SYT2: variants seen among roughly 807,000 people sequenced by gnomAD.
SYT2 encodes synaptotagmin 2.
In SYT2, 15 loss-of-function variants were observed where a neutral mutation model predicts 39.9. The ratio of observed to expected loss-of-function variants is 0.38; its 90% CI spans 0.25 to 0.58. The LOEUF (loss-of-function observed/expected upper bound fraction) is 0.58, where lower values mean the gene tolerates loss of function less well. Among genes scored for constraint, SYT2 ranks in the 20% least tolerant of loss-of-function variants. The pLI, the probability that SYT2 is intolerant of heterozygous loss-of-function variation, is 0.70. For synonymous variants in SYT2, 181 were observed against 204.5 expected (o/e 0.89, Z 0.98); for missense variants, 389 against 530.3 (o/e 0.73, Z 2.62).
intron 1 of SYT2, among the ~76,000 whole-genome samples, chr1:202,618,715 C>T (rs564470738): frequency 6.6e-6 from 1 of 152,260 alleles, no homozygotes; most frequent in Non-Finnish European, 1.5e-5. Context: ...CACATCTGCT[C>T]AGCATGTAGA....
chr1:202,593,845 C>T lies in SYT2; in HGVS notation c.*2912G>A, dbSNP rs751975611. 1 of 152,260 alleles carries T rather than the reference C, an allele frequency of 6.6e-6. No homozygotes were observed. Among genetic ancestry groups the T allele is most frequent in the Non-Finnish European group, 1.5e-5 (1 of 68,118 alleles). 9.4% of individuals were successfully genotyped at this position (152,260 alleles called of 1,614,324 possible). ...ACTACTTTCCTTTCTCTGGAACAGACTTTGAGATGAAAACTCACAGCCCCA... is the reference window on the plus strand; with the variant it reads ...ACTACTTTCCTTTCTCTGGAACAGATTTTGAGATGAAAACTCACAGCCCCA... On this transcript the variant is annotated 3_prime_UTR_variant, in exon 9 of 9. Coordinates refer to ENST00000367268, the MANE Select transcript of SYT2 (RefSeq NM_177402.5).
chr1:202,630,217 C>CT (rs1691542534), intron 1 of SYT2: 1 of 200,424 alleles, frequency 5.0e-6, no homozygotes, highest in South Asian at 1.8e-4. Context: ...TTTGCTGAAT[C>CT]TAAGTTATAA....
In SYT2 at chr1:202,614,738, A is replaced by T. The variant is rs1690985436; in HGVS notation, c.-17-8949T>A. ...GAGGAGATGAAAGGGCAGCCTAGGC[A>T]GAGAGCACAGCCTATGCAAAGGCCC... is the stretch of plus-strand genomic sequence containing the variant. On this transcript the variant is annotated intron_variant, in intron 1 of 8. Transcript: ENST00000367268. The surrounding 1 kb of genome is among the most constrained non-coding windows in gnomAD (Gnocchi z 4.0). Among the ~76,000 whole-genome samples, 2 of 152,240 alleles carry T rather than the reference A, an allele frequency of 1.3e-5. No homozygotes were observed. The highest frequency in any genetic ancestry group is 2.9e-5 in the Non-Finnish European group (2 of 68,038).
intron 1 of SYT2, among the ~76,000 whole-genome samples, chr1:202,624,115 AGTGC>A (rs1469756763): frequency 6.6e-6 from 1 of 151,976 alleles, no homozygotes; most frequent in Non-Finnish European, 1.5e-5. Context: ...TTTTAATAGG[AGTGC>A]GTGAGTGTGG....
chr1:202,669,189 G>A (rs1007560345), intron 1 of SYT2, among the ~76,000 whole-genome samples: 3 of 152,146 alleles, frequency 2.0e-5, no homozygotes, highest in Non-Finnish European at 1.5e-5. Flanking sequence ...GCATTAAATT[G>A]TGCACTAAAA....
At chr1:202,616,199 C>T (rs989735026) in intron 1 of SYT2, among the ~76,000 whole-genome samples, 11 of 152,294 alleles carry the variant, frequency 7.2e-5, no homozygotes, top group Admixed American at 1.3e-4. Flanking sequence ...AAAGCAGAAG[C>T]GAGAAATCTC....
intron 1 of SYT2, among the ~76,000 whole-genome samples, chr1:202,659,867 G>A (rs748228831): frequency 2.8e-4 from 43 of 152,206 alleles, no homozygotes; most frequent in Admixed American, 5.9e-4. Flanking sequence ...TTGGGGGTGA[G>A]GGGTGGGGAG....
At chr1:202,694,283 C>T (rs2149118662) in intron 1 of SYT2, among the ~76,000 whole-genome samples, 1 of 152,324 alleles carries the variant, frequency 6.6e-6, no homozygotes, top group South Asian at 2.1e-4. Context: ...TATCCTGAGC[C>T]CCAGACTGGC....
rs1206561246 is a variant in SYT2, at chr1:202,595,942, C to A, written c.*815G>T. On this transcript the variant is annotated 3_prime_UTR_variant, in exon 9 of 9. Transcript: ENST00000367268. ...ATCCATGAATGTCCCAGGAACTACA[C>A]TTCTGGGGAAACCATGACTGGCAGG... 1 of 152,206 alleles carries A rather than the reference C, an allele frequency of 6.6e-6. No individual in the cohort carries two copies. Among genetic ancestry groups the A allele is most frequent in the Non-Finnish European group, 1.5e-5 (1 of 68,054 alleles). 9.4% of individuals were successfully genotyped at this position (152,206 alleles called of 1,614,324 possible).
At chr1:202,687,904 G>A (rs1572680158) in intron 1 of SYT2, among the ~76,000 whole-genome samples, 1 of 151,918 alleles carries the variant, frequency 6.6e-6, no homozygotes, top group African/African-American at 2.4e-5. Context: ...ACACTGAACT[G>A]AAGCTGAAAT....
chr1:202,698,300 C>T (rs543024213), intron 1 of SYT2, among the ~76,000 whole-genome samples: 2 of 152,280 alleles, frequency 1.3e-5, no homozygotes, highest in East Asian at 1.9e-4. Flanking sequence ...GAAGGAGCCA[C>T]GTGCCAGGGC....
rs370922909 is a variant in SYT2, at chr1:202,596,306, CAT to C, written c.*449_*450del. 0.033 allele frequency: 873 copies of C among 26,364 alleles called. 49 individuals carry two copies. Among genetic ancestry groups the C allele is most frequent in the South Asian group, 0.089 (87 of 978 alleles). The allele number at this position is 26,364 out of a possible 1,614,324, so 1.6% of individuals were successfully genotyped here. A position where few individuals can be genotyped will look rare whatever the true frequency, so the allele number is the denominator to read the frequency against. On this transcript the variant is annotated 3_prime_UTR_variant, in exon 9 of 9. Transcript: ENST00000367268. ...ACACACACACACACACACACACACACATACACACACACACACACACACACACA... is the reference window on the plus strand; with the variant it reads ...ACACACACACACACACACACACACACACACACACACACACACACACACACA...
intron 1 of SYT2, among the ~76,000 whole-genome samples, chr1:202,666,212 A>C (rs1021532279): frequency 6.6e-6 from 1 of 152,198 alleles, no homozygotes; most frequent in Admixed American, 6.5e-5. Flanking sequence ...TCAGCAGGAA[A>C]AAAAGATTAT....
At chr1:202,651,358 G>C (rs1444047153) in intron 1 of SYT2, among the ~76,000 whole-genome samples, 1 of 152,028 alleles carries the variant, frequency 6.6e-6, no homozygotes, top group African/African-American at 2.4e-5. Flanking sequence ...GGACGCACAG[G>C]GGTGGGTGGG....
intron 1 of SYT2, among the ~76,000 whole-genome samples, chr1:202,689,060 G>A (rs886347311): frequency 1.3e-5 from 2 of 152,124 alleles, no homozygotes; most frequent in Non-Finnish European, 2.9e-5. Context: ...CCCGCCCCCA[G>A]ACTGAATCTC....
intron 1 of SYT2, among the ~76,000 whole-genome samples, chr1:202,620,913 C>G (rs1292238237): frequency 2.6e-5 from 4 of 152,152 alleles, no homozygotes; most frequent in Non-Finnish European, 5.9e-5. Flanking sequence ...CCCAGATGCC[C>G]TGGAGCTTTG....
chr1:202,655,535 G>C (rs1272134066), intron 1 of SYT2, among the ~76,000 whole-genome samples: 1 of 152,126 alleles, frequency 6.6e-6, no homozygotes, highest in Non-Finnish European at 1.5e-5. Flanking sequence ...CACTGTGCTG[G>C]GTCTTTATGT....
At chr1:202,665,194 G>T (rs1339391715) in intron 1 of SYT2, among the ~76,000 whole-genome samples, 3 of 152,214 alleles carry the variant, frequency 2.0e-5, no homozygotes, top group Non-Finnish European at 4.4e-5. Context: ...TGAAAGTGAT[G>T]AGGAGGAAAA....
chr1:202,668,579 T>C (rs908816550), intron 1 of SYT2, among the ~76,000 whole-genome samples: 1 of 152,226 alleles, frequency 6.6e-6, no homozygotes, highest in African/African-American at 2.4e-5. Flanking sequence ...ATTTATCAAG[T>C]GCTTACTACA....
Sources: gnomAD v4.1 joint callset for allele counts (sites outside exome capture counted in the v4.1 genomes callset) on GRCh38, gnomAD v4.1.1 for gene constraint, Gnocchi (gnomAD v3.1) non-coding constraint, MANE v1.5 for transcripts, NCBI Gene and HGNC (gene_info 2026-07-23, HGNC 2026-07-21) for gene names.